Variants in SNTG1 observed in about 807,000 individuals in gnomAD.
The protein encoded by SNTG1 is syntrophin gamma 1, also known as gamma-1-syntrophin.
In SNTG1, 39 loss-of-function variants were observed where a neutral mutation model predicts 74.7. The observed-to-expected ratio is 0.52, with a 90% CI of 0.40 to 0.68. SNTG1 has a LOEUF of 0.68. Among genes scored for constraint, SNTG1 ranks in the 30% least tolerant of loss-of-function variants. SNTG1 has a pLI of 0.00. For missense variants in SNTG1, 685 were observed against 609.5 expected (o/e 1.12, Z -1.30); for synonymous variants, 254 against 217.1 (o/e 1.17, Z -1.49).
chr8:50,317,124 GA>G (rs1290604137), intron 2 of SNTG1, among the ~76,000 whole-genome samples: 1 of 152,074 alleles, frequency 6.6e-6, no homozygotes, highest in Non-Finnish European at 1.5e-5. Context: ...TCCTTAGGGG[GA>G]TTATTTCCTT....
At chr8:50,174,999 G>A (rs2082944848) in intron 2 of SNTG1, among the ~76,000 whole-genome samples, 1 of 151,832 alleles carries the variant, frequency 6.6e-6, no homozygotes, top group African/African-American at 2.4e-5. Context: ...TGCTGAGAAT[G>A]ATGGTTTCCA....
In SNTG1 at chr8:50,342,461, C is replaced by CA. The variant is rs2091344963; in HGVS notation, c.-27-51746dup. Reference sequence around the variant, plus strand: ...CAGACTAATTATACTCTTTGCATTGCAAAAATAGTTCTTTAAACATAAATC... The same window carrying CA: ...CAGACTAATTATACTCTTTGCATTGCAAAAAATAGTTCTTTAAACATAAATC... On this transcript the variant is annotated intron_variant, in intron 2 of 18. Transcript: ENST00000642720. Among the ~76,000 whole-genome samples, 3 of 152,076 alleles carry CA rather than the reference C, an allele frequency of 2.0e-5. No individual in the cohort carries two copies. The South Asian group carries it at 6.2e-4, about 32-fold the overall frequency.
chr8:50,394,260 G>A lies in SNTG1; in HGVS notation c.22G>A (p.Glu8Lys). MDFRTAC[E>K]ETKTGICLLQ... The stretch of plus-strand genomic sequence containing the variant: ...GCACATGGATTTCAGAACCGCCTGT[G>A]AGGAGGTGAGTACAGAGCTTTCTGC... The change falls in exon 3 of 19, where the codon GAG becomes AAG. Residue 8 changes from glutamate (E) to lysine (K), a missense_variant. Glu to Lys is a moderately conservative substitution (Grantham distance 56). Coordinates refer to ENST00000642720, the MANE Select transcript of SNTG1 (RefSeq NM_018967.5). 6.2e-7 allele frequency: 1 copy of A among 1,613,092 alleles called. No individual in the cohort carries two copies. The highest frequency in any genetic ancestry group is 8.5e-7 in the Non-Finnish European group (1 of 1,179,426).
chr8:50,597,046 C>T (rs2094732188), intron 13 of SNTG1, among the ~76,000 whole-genome samples: 1 of 151,802 alleles, frequency 6.6e-6, no homozygotes, highest in Non-Finnish European at 1.5e-5. Flanking sequence ...TACCCACAGG[C>T]GAACCTCTCC....
chr8:50,115,214 C>T (rs2080764606), intron 1 of SNTG1, among the ~76,000 whole-genome samples: 1 of 151,982 alleles, frequency 6.6e-6, no homozygotes, highest in East Asian at 1.9e-4. Context: ...GGTGTTAAGA[C>T]TGGAGAGAAT....
chr8:50,366,223 G>C (rs2092104848), intron 2 of SNTG1, among the ~76,000 whole-genome samples: 1 of 152,172 alleles, frequency 6.6e-6, no homozygotes, highest in Admixed American at 6.5e-5. Context: ...GCATGTTAGA[G>C]CCAGAAAGGA....
chr8:50,349,172 C>T (rs1470121689), intron 2 of SNTG1, among the ~76,000 whole-genome samples: 3 of 152,104 alleles, frequency 2.0e-5, no homozygotes, highest in African/African-American at 7.2e-5. Context: ...GAAAAGTTCA[C>T]TTTTGTTAGA....
At chr8:50,634,052 G>T (rs532392787) in intron 13 of SNTG1, among the ~76,000 whole-genome samples, 1 of 152,314 alleles carries the variant, frequency 6.6e-6, no homozygotes, top group East Asian at 1.9e-4. Flanking sequence ...CAGCTAAGCT[G>T]AAGCCTAGCA....
At chr8:50,108,053 C>CCAAG (rs2080447786) in intron 1 of SNTG1, among the ~76,000 whole-genome samples, 2 of 152,096 alleles carry the variant, frequency 1.3e-5, no homozygotes, top group Non-Finnish European at 1.5e-5. Flanking sequence ...CTGTGTAGGT[C>CCAAG]TTTTGCTGGC....
At chr8:50,080,585 T>A (rs1563563774) in intron 1 of SNTG1, among the ~76,000 whole-genome samples, 3 of 152,128 alleles carry the variant, frequency 2.0e-5, no homozygotes. Flanking sequence ...GCCATTTTAA[T>A]TTCTGTTTAT....
rs549023714 is a variant in SNTG1 at position 50,672,126 on chromosome 8, A to G, written c.1038+13463A>G. 1.1e-4 allele frequency among the ~76,000 whole-genome samples: 16 copies of G among 151,640 alleles called. No homozygotes were observed. The South Asian group carries it at 3.3e-3, about 32-fold the overall frequency. Reference sequence around the variant, plus strand: ...AAGTTAATGGGTGCAGCACAGCAGCATGGCACATGTATACATATGTAACTA... The same window carrying G: ...AAGTTAATGGGTGCAGCACAGCAGCGTGGCACATGTATACATATGTAACTA... On this transcript the variant is annotated intron_variant, in intron 15 of 18. Coordinates refer to ENST00000642720, the MANE Select transcript of SNTG1 (RefSeq NM_018967.5).
chr8:50,656,820 A>G (rs1332226424), intron 13 of SNTG1, 89 bp from the exon 14 acceptor site: 4 of 864,100 alleles, frequency 4.6e-6, no homozygotes, highest in African/African-American at 3.5e-5. Flanking sequence ...TACCTAAAAT[A>G]TTTTTAATAT....
In SNTG1 at chr8:49,920,100, C is replaced by G. The variant is rs373831281; in HGVS notation, c.-103+7869C>G. Among the ~76,000 whole-genome samples the G allele has an allele frequency of 4.0e-4, 61 of 152,198 alleles. 1 individual carries two copies. The highest frequency in any genetic ancestry group is 1.3e-3 in the African/African-American group (56 of 41,538). On this transcript the variant is annotated intron_variant, in intron 1 of 18. Coordinates refer to ENST00000642720, the MANE Select transcript of SNTG1 (RefSeq NM_018967.5). ...GAGAAAACTAAAATATGTCCATTAT[C>G]TACCTAAGTCATTTGCTTTTATTTT...
chr8:50,762,747 A>G (rs570695749), intron 18 of SNTG1: 30 of 481,884 alleles, frequency 6.2e-5, no homozygotes, highest in African/African-American at 5.3e-4. Context: ...ATGATGTGGC[A>G]CTGGACACAC....
intron 2 of SNTG1, among the ~76,000 whole-genome samples, chr8:50,305,335 G>T (rs1053549499): frequency 6.6e-6 from 1 of 151,784 alleles, no homozygotes; most frequent in African/African-American, 2.4e-5. Flanking sequence ...ATTTTTGCTC[G>T]GGTGATAAAA....
At chr8:50,012,032 G>C (rs1222636647) in intron 1 of SNTG1, among the ~76,000 whole-genome samples, 1 of 152,164 alleles carries the variant, frequency 6.6e-6, no homozygotes, top group Non-Finnish European at 1.5e-5. Context: ...AGTGAATTCA[G>C]CTTTTTGCAC....
intron 2 of SNTG1, among the ~76,000 whole-genome samples, chr8:50,201,165 C>T (rs1284601451): frequency 6.6e-6 from 1 of 152,128 alleles, no homozygotes; most frequent in Non-Finnish European, 1.5e-5. Context: ...CATCTTATAG[C>T]CATGTGCCCA....
chr8:50,249,924 A>G (rs900586512), intron 2 of SNTG1, among the ~76,000 whole-genome samples: 1 of 152,176 alleles, frequency 6.6e-6, no homozygotes, highest in Admixed American at 6.6e-5. Context: ...AGCAAAAAAT[A>G]TAACAACCAC....
chr8:50,327,400 T>G (rs575481569), intron 2 of SNTG1, among the ~76,000 whole-genome samples: 7 of 152,160 alleles, frequency 4.6e-5, no homozygotes, highest in Non-Finnish European at 8.8e-5. Flanking sequence ...GCTAATCCCT[T>G]TACTATGGTT....
Sources: allele counts gnomAD v4.1 joint callset (sites outside exome capture counted in the v4.1 genomes callset), GRCh38; gene constraint gnomAD v4.1.1; transcripts MANE v1.5; gene names NCBI Gene and HGNC (gene_info 2026-07-23, HGNC 2026-07-21).